RXFP2: variants seen among roughly 807,000 people sequenced by gnomAD.
RXFP2 encodes the protein relaxin receptor 2.
A neutral mutation model predicts 88.6 loss-of-function variants in RXFP2; 68 were observed. The observed-to-expected ratio is 0.77, with a 90% CI of 0.63 to 0.94. The LOEUF is 0.94. Ranked by LOEUF, RXFP2 falls within the 40% of genes least tolerant of loss-of-function variation. The pLI, the probability that RXFP2 is intolerant of heterozygous loss-of-function variation, is 0.00. For missense variants in RXFP2, 791 were observed against 893.9 expected (o/e 0.88, Z 1.47); for synonymous variants, 329 against 306.8 (o/e 1.07, Z -0.76).
At chr13:31,789,712 CATA>C (rs1404188150) in intron 14 of RXFP2, among the ~76,000 whole-genome samples, 3 of 152,120 alleles carry the variant, frequency 2.0e-5, no homozygotes, top group African/African-American at 7.2e-5. Context: ...TATATGTGTT[CATA>C]ATTATTTCTT....
chr13:31,759,409 G>GAAAGAAAGAA, intron 2 of RXFP2, among the ~76,000 whole-genome samples: 1 of 149,890 alleles, frequency 6.7e-6, no homozygotes, highest in East Asian at 2.0e-4. Context: ...AAGAAAGAAA[G>GAAAGAAAGAA]AAAGAAAGAA....
chr13:31,758,625 G>T (rs942577803), intron 2 of RXFP2, among the ~76,000 whole-genome samples: 4 of 152,142 alleles, frequency 2.6e-5, no homozygotes, highest in Non-Finnish European at 5.9e-5. Flanking sequence ...ATCATAAAAT[G>T]TTATATTTTA....
At chr13:31,745,138 C>T (rs1333197347) in intron 1 of RXFP2, among the ~76,000 whole-genome samples, 1 of 151,940 alleles carries the variant, frequency 6.6e-6, no homozygotes, top group Non-Finnish European at 1.5e-5. Context: ...CCACCATACT[C>T]CAGCCTGGGT....
At chr13:31,751,136 A>G (rs990089678) in intron 1 of RXFP2, among the ~76,000 whole-genome samples, 8 of 152,164 alleles carry the variant, frequency 5.3e-5, no homozygotes, top group Non-Finnish European at 1.0e-4. Flanking sequence ...CTAAAAATAC[A>G]AAAAAATTAG....
At chr13:31,777,065 C>T (rs1331821071) in intron 7 of RXFP2, among the ~76,000 whole-genome samples, 3 of 152,098 alleles carry the variant, frequency 2.0e-5, no homozygotes, top group Non-Finnish European at 2.9e-5. Context: ...GCATTCAATA[C>T]GTGGAGTTTG....
At chr13:31,776,763 C>T (rs1178026049) in intron 7 of RXFP2, among the ~76,000 whole-genome samples, 1 of 152,114 alleles carries the variant, frequency 6.6e-6, no homozygotes, top group Admixed American at 6.6e-5. Flanking sequence ...GGAAACACAA[C>T]CTGGCTTCAC....
chr13:31,745,361 G>A (rs1871367410), intron 1 of RXFP2, among the ~76,000 whole-genome samples: 1 of 152,108 alleles, frequency 6.6e-6, no homozygotes, highest in Non-Finnish European at 1.5e-5. Context: ...TTTGCCTGTG[G>A]GTGAACCAGT....
intron 1 of RXFP2, among the ~76,000 whole-genome samples, chr13:31,755,308 C>T (rs1391783876): frequency 6.6e-6 from 1 of 152,116 alleles, no homozygotes; most frequent in African/African-American, 2.4e-5. Context: ...GATAGAATAG[C>T]AATGATCAAA....
At chr13:31,741,591 T>A (rs1237884603) in intron 1 of RXFP2, among the ~76,000 whole-genome samples, 2 of 152,164 alleles carry the variant, frequency 1.3e-5, no homozygotes. Flanking sequence ...AGGCCAGATC[T>A]AAACAAAACA....
chr13:31,761,846 A>G, intron 3 of RXFP2, 45 bp downstream of exon 3: 3 of 1,234,504 alleles, frequency 2.4e-6, no homozygotes, highest in Non-Finnish European at 3.6e-6. Context: ...TGTGAAAAAC[A>G]TGATTTGTGA....
chr13:31,785,259 G>A (rs1873478596), intron 11 of RXFP2, among the ~76,000 whole-genome samples: 1 of 152,038 alleles, frequency 6.6e-6, no homozygotes, highest in Admixed American at 6.6e-5. Context: ...GTGCACGCAT[G>A]GCTTTCCCAT....
At chr13:31,744,821 T>G (rs779402151) in intron 1 of RXFP2, among the ~76,000 whole-genome samples, 1 of 152,164 alleles carries the variant, frequency 6.6e-6, no homozygotes, top group Non-Finnish European at 1.5e-5. Context: ...TCATGATATA[T>G]TCCTTCCATT....
In RXFP2 at chr13:31,758,414, C is replaced by T. The variant is rs1872077207; in HGVS notation, c.241+10C>T. The T allele has an allele frequency of 6.2e-7, 1 of 1,613,740 alleles. No homozygotes were observed. The highest frequency in any genetic ancestry group is 1.7e-5 in the Admixed American group (1 of 59,994). On this transcript the variant is annotated intron_variant, in intron 2 of 17. Transcript: ENST00000298386. ...GACGAAGAGAACTGTGGTGAGTGCT[C>T]CCCTCGGCTCCCCATGTGTGCCTCA...
chr13:31,754,390 G>C (rs1296053530), intron 1 of RXFP2, among the ~76,000 whole-genome samples: 1 of 152,152 alleles, frequency 6.6e-6, no homozygotes, highest in Non-Finnish European at 1.5e-5. Flanking sequence ...AAATAGCCGG[G>C]CGTGGTGGCG....
Position 31,786,231 on chromosome 13 carries a change from C to G in RXFP2, c.930-152C>G. The G allele has an allele frequency of 7.1e-6, 5 of 703,964 alleles. No individual in the cohort carries two copies. In the East Asian group the frequency reaches 1.3e-4, roughly 19 times the overall value. 43.6% of individuals were successfully genotyped at this position (703,964 alleles called of 1,614,324 possible). On this transcript the variant is annotated intron_variant, in intron 11 of 17. Coordinates refer to ENST00000298386, the MANE Select transcript of RXFP2 (RefSeq NM_130806.5). Reference sequence around the variant, plus strand: ...GGAAACCGTATCCATTTGGCTGACTCATACGGCCCTGTTGTGTAACAAGTT... The same window carrying G: ...GGAAACCGTATCCATTTGGCTGACTGATACGGCCCTGTTGTGTAACAAGTT...
intron 1 of RXFP2, among the ~76,000 whole-genome samples, chr13:31,742,248 A>C (rs1871248705): frequency 6.6e-6 from 1 of 152,188 alleles, no homozygotes; most frequent in Non-Finnish European, 1.5e-5. Context: ...TAGGTTAACC[A>C]AAACCGGGCC....
intron 16 of RXFP2, among the ~76,000 whole-genome samples, chr13:31,794,656 A>G (rs1181671932): frequency 6.6e-6 from 1 of 152,116 alleles, no homozygotes; most frequent in Admixed American, 6.5e-5. Context: ...AAAAGAAATG[A>G]ATTCAAACTG....
rs374962267 is a variant in RXFP2, at chr13:31,792,842, A to T, written c.1540A>T (p.Thr514Ser). 2 of 1,613,908 alleles carry T rather than the reference A, an allele frequency of 1.2e-6. No homozygotes were observed. Among genetic ancestry groups the T allele is most frequent in the Non-Finnish European group, 1.7e-6 (2 of 1,180,026 alleles). Residue 514 changes from threonine (T) to serine (S), a missense_variant, in exon 16 of 18, where the codon ACC becomes TCC. By Grantham distance (58) the Thr-to-Ser change is moderately conservative. Transcript: ENST00000298386. ...CACCGAAGTCTCTGTTCTGCTACTG[A>T]CCTACTTGACTTTGGAGAAGTTCCT... The part of the protein sequence containing the change: ...LSTEVSVLLL[T>S]YLTLEKFLVI...
intron 9 of RXFP2, 94 bp downstream of exon 9, chr13:31,778,677 A>G: frequency 1.1e-6 from 1 of 930,700 alleles, no homozygotes; most frequent in South Asian, 1.3e-5. Flanking sequence ...GTCCATCTAT[A>G]ATTTCTTTCC....
Sources: gnomAD v4.1 joint callset for allele counts (sites outside exome capture counted in the v4.1 genomes callset) on GRCh38, gnomAD v4.1.1 for gene constraint, MANE v1.5 for transcripts, NCBI Gene and HGNC (gene_info 2026-07-23, HGNC 2026-07-21) for gene names.